ADGRL3: variants seen among roughly 807,000 people sequenced by gnomAD.
ADGRL3 encodes adhesion G protein-coupled receptor L3.
In ADGRL3, 62 loss-of-function variants were observed where a neutral mutation model predicts 153.5. The ratio of observed to expected loss-of-function variants is 0.40; its 90% CI spans 0.33 to 0.50. The LOEUF is 0.50. Ranked by LOEUF, ADGRL3 falls within the 20% of genes least tolerant of loss-of-function variation. The pLI is 0.47. For synonymous variants in ADGRL3, 710 were observed against 672.5 expected (o/e 1.06, Z -0.86); for missense variants, 1,641 against 1,859.4 (o/e 0.88, Z 2.16).
intron 6 of ADGRL3, among the ~76,000 whole-genome samples, chr4:61,703,437 G>A (rs1444158836): frequency 6.6e-6 from 1 of 151,988 alleles, no homozygotes; most frequent in African/African-American, 2.4e-5. Context: ...GGAGTGAAAA[G>A]GTTATGCTGA....
At chr4:61,320,012 C>T (rs1298287152) in intron 1 of ADGRL3, among the ~76,000 whole-genome samples, 1 of 152,042 alleles carries the variant, frequency 6.6e-6, no homozygotes, top group Non-Finnish European at 1.5e-5. Flanking sequence ...GGATGAAGCC[C>T]TAATCAATAG....
At chr4:61,883,814 A>G (rs1267962525) in intron 9 of ADGRL3, among the ~76,000 whole-genome samples, 2 of 152,132 alleles carry the variant, frequency 1.3e-5, no homozygotes, top group Admixed American at 6.5e-5. Context: ...TGTAGCGTCC[A>G]TAAGATACAG....
intron 6 of ADGRL3, among the ~76,000 whole-genome samples, chr4:61,709,645 A>G (rs1164052589): frequency 2.0e-5 from 3 of 152,180 alleles, no homozygotes; most frequent in Admixed American, 6.6e-5. Flanking sequence ...ATTTGTGACT[A>G]ATTATGTGCC....
intron 13 of ADGRL3, among the ~76,000 whole-genome samples, chr4:61,920,256 A>G (rs971691295): frequency 2.6e-5 from 4 of 152,216 alleles, no homozygotes; most frequent in South Asian, 2.1e-4. Context: ...ATGATTACAT[A>G]GCTATTAAGG....
At chr4:61,285,752 G>A (rs1202269634) in intron 1 of ADGRL3, among the ~76,000 whole-genome samples, 1 of 151,678 alleles carries the variant, frequency 6.6e-6, no homozygotes, top group South Asian at 2.1e-4. Flanking sequence ...CTCCTTACAG[G>A]CCTGTGAACT....
At chr4:62,051,168 G>GTGTATATA (rs1206315599) in intron 25 of ADGRL3, among the ~76,000 whole-genome samples, 4 of 139,146 alleles carry the variant, frequency 2.9e-5, no homozygotes, top group African/African-American at 1.1e-4. Flanking sequence ...GTGTGTGTGT[G>GTGTATATA]TATATATATA....
intron 1 of ADGRL3, among the ~76,000 whole-genome samples, chr4:61,291,571 T>C (rs936271281): frequency 7.2e-5 from 1 of 13,850 alleles, no homozygotes; most frequent in African/African-American, 1.4e-4. Flanking sequence ...TATATACATA[T>C]ATATATATAT....
At chr4:61,312,319 T>C (rs2095045933) in intron 1 of ADGRL3, among the ~76,000 whole-genome samples, 1 of 152,148 alleles carries the variant, frequency 6.6e-6, no homozygotes, top group South Asian at 2.1e-4. Flanking sequence ...ACTATACATA[T>C]CCTAGAAAAT....
chr4:61,621,343 TACA>T (rs1029162650), intron 5 of ADGRL3, among the ~76,000 whole-genome samples: 59 of 152,286 alleles, frequency 3.9e-4, no homozygotes, highest in African/African-American at 1.3e-3. Context: ...TGGTGATAAA[TACA>T]ACAATAGCAT....
chr4:61,635,640 C>CA (rs1274814047), intron 5 of ADGRL3, among the ~76,000 whole-genome samples: 1 of 152,224 alleles, frequency 6.6e-6, no homozygotes, highest in East Asian at 1.9e-4. Context: ...TTACTTAAAA[C>CA]AACAAGGCTC....
At chr4:62,048,828 C>T (rs1456179602) in intron 25 of ADGRL3, among the ~76,000 whole-genome samples, 2 of 152,106 alleles carry the variant, frequency 1.3e-5, no homozygotes, top group African/African-American at 2.4e-5. Flanking sequence ...GCTGGGATTA[C>T]AGACAAGAGC....
intron 8 of ADGRL3, chr4:61,775,437 A>G: frequency 1.4e-6 from 1 of 694,402 alleles, no homozygotes; most frequent in Non-Finnish European, 2.7e-6. Context: ...TGTGTGCCAA[A>G]GATTTATGTC....
intron 9 of ADGRL3, among the ~76,000 whole-genome samples, chr4:61,858,240 C>T (rs2098300189): frequency 6.6e-6 from 1 of 152,126 alleles, no homozygotes; most frequent in Non-Finnish European, 1.5e-5. Flanking sequence ...TATGTATGGC[C>T]TCCCTCACTG....
chr4:61,490,255 A>C (rs1043159423), intron 2 of ADGRL3, among the ~76,000 whole-genome samples: 1 of 151,156 alleles, frequency 6.6e-6, no homozygotes, highest in African/African-American at 2.4e-5. Flanking sequence ...GTTTTTTTCA[A>C]CTCTCTTCTT....
chr4:61,255,057 C>T (rs890625944), intron 1 of ADGRL3, among the ~76,000 whole-genome samples: 1 of 152,070 alleles, frequency 6.6e-6, no homozygotes, highest in Admixed American at 6.6e-5. Flanking sequence ...CAAATTGCAG[C>T]ATAAATATCA....
At chr4:61,227,666 T>A (rs1389168261) in intron 1 of ADGRL3, among the ~76,000 whole-genome samples, 1 of 152,240 alleles carries the variant, frequency 6.6e-6, no homozygotes, top group Non-Finnish European at 1.5e-5. Context: ...CACATTCAAA[T>A]GTAGGGCTTA....
intron 2 of ADGRL3, among the ~76,000 whole-genome samples, chr4:61,388,649 ACC>A (rs2096768503): frequency 6.6e-6 from 1 of 152,062 alleles, no homozygotes; most frequent in Non-Finnish European, 1.5e-5. Flanking sequence ...TAATTACATC[ACC>A]CTCCTGTTTT....
intron 11 of ADGRL3, among the ~76,000 whole-genome samples, chr4:61,905,613 G>A (rs2098691678): frequency 6.6e-6 from 1 of 151,934 alleles, no homozygotes; most frequent in African/African-American, 2.4e-5. Flanking sequence ...TCGAAAGTTG[G>A]GCCAGGTGCA....
At chr4:61,216,363 T>G (rs1331718557) in intron 1 of ADGRL3, among the ~76,000 whole-genome samples, 1 of 152,132 alleles carries the variant, frequency 6.6e-6, no homozygotes, top group Non-Finnish European at 1.5e-5. Flanking sequence ...GTTTTTTATC[T>G]CAGCTTTTTT....
Sources: allele counts gnomAD v4.1 joint callset (sites outside exome capture counted in the v4.1 genomes callset), GRCh38; gene constraint gnomAD v4.1.1; transcripts MANE v1.5; gene names NCBI Gene and HGNC (gene_info 2026-07-23, HGNC 2026-07-21).